Variants in NRG1 observed in about 807,000 individuals in gnomAD.
NRG1 encodes pro-neuregulin-1, membrane-bound isoform.
Under a neutral mutation model 63.8 loss-of-function variants are expected in NRG1, and 18 were observed. The observed-to-expected ratio is 0.28, with a 90% confidence interval of 0.19 to 0.42. The LOEUF is 0.42. Ranked by LOEUF, NRG1 falls within the 10% of genes least tolerant of loss-of-function variation. The probability of loss-of-function intolerance (pLI) is 1.00; values close to 1 mark genes in which losing one functional copy is unlikely to be tolerated. For synonymous variants in NRG1, 302 were observed against 301.3 expected (o/e 1.00, Z -0.02); for missense variants, 762 against 814.7 (o/e 0.94, Z 0.79).
chr8:32,199,137 T>C (rs888379889), intron 1 of NRG1, among the ~76,000 whole-genome samples: 1 of 152,188 alleles, frequency 6.6e-6, no homozygotes, highest in Non-Finnish European at 1.5e-5. Flanking sequence ...GATAATTTCC[T>C]GTTTATTCTA....
chr8:32,296,393 C>A (rs1377096932), intron 1 of NRG1, among the ~76,000 whole-genome samples: 1 of 152,006 alleles, frequency 6.6e-6, no homozygotes, highest in Non-Finnish European at 1.5e-5. Context: ...AGTTCAAGAC[C>A]AGCTGAGGTC....
chr8:32,637,678 T>C (rs1164330750), intron 5 of NRG1, among the ~76,000 whole-genome samples: 1 of 152,160 alleles, frequency 6.6e-6, no homozygotes, highest in African/African-American at 2.4e-5. Context: ...GTTTCTTTAT[T>C]CTATACTTTC....
At chr8:32,266,910 G>C (rs200725283) in intron 1 of NRG1, among the ~76,000 whole-genome samples, 3 of 151,318 alleles carry the variant, frequency 2.0e-5, no homozygotes, top group African/African-American at 7.3e-5. Flanking sequence ...TTAGCCAGAC[G>C]TGGTGGCACA....
At chr8:32,196,118 A>AGTGTGTGTGT (rs55951634) in intron 1 of NRG1, among the ~76,000 whole-genome samples, 6,881 of 146,848 alleles carry the variant, frequency 0.047, 188 homozygotes, top group Non-Finnish European at 0.059. Context: ...AAAAACAATG[A>AGTGTGTGTGT]GTGTGTGTGT....
At chr8:32,090,326 C>A (rs1828924387) in intron 1 of NRG1, among the ~76,000 whole-genome samples, 1 of 152,092 alleles carries the variant, frequency 6.6e-6, no homozygotes, top group Admixed American at 6.5e-5. Context: ...GAATCATTGT[C>A]ATGGACTAAA....
intron 1 of NRG1, among the ~76,000 whole-genome samples, chr8:31,684,922 G>A (rs888913047): frequency 1.3e-5 from 2 of 151,962 alleles, no homozygotes; most frequent in African/African-American, 2.4e-5. Context: ...AATAGAAATA[G>A]CCAAAATAGT....
At chr8:32,725,801 G>T (rs1353673879) in intron 5 of NRG1, among the ~76,000 whole-genome samples, 1 of 151,948 alleles carries the variant, frequency 6.6e-6, no homozygotes, top group Admixed American at 6.6e-5. Flanking sequence ...AAAGGCAATT[G>T]CCGTGGATGA....
chr8:32,102,892 A>G (rs1196693764), intron 1 of NRG1, among the ~76,000 whole-genome samples: 1 of 151,898 alleles, frequency 6.6e-6, no homozygotes, highest in Non-Finnish European at 1.5e-5. Context: ...TTTTTTTTTA[A>G]TTTTTAATTT....
intron 1 of NRG1, among the ~76,000 whole-genome samples, chr8:31,807,329 T>C (rs1377311397): frequency 6.6e-6 from 1 of 152,182 alleles, no homozygotes; most frequent in African/African-American, 2.4e-5. Context: ...ACAGTAGTGA[T>C]GGTTTTTGTT....
In NRG1 at chr8:32,580,156, C is replaced by T. The variant is rs1840386342; in HGVS notation, c.101-15672C>T. ...ATCTGCAGGGGATCCTGGAGCCAATCCCCCACAGTTAGTGAGGAATGACCA... is the reference window on the plus strand; with the variant it reads ...ATCTGCAGGGGATCCTGGAGCCAATTCCCCACAGTTAGTGAGGAATGACCA... On this transcript the variant is annotated intron_variant, in intron 1 of 11. Transcript: ENST00000356819. 1.3e-5 allele frequency among the ~76,000 whole-genome samples: 2 copies of T among 152,142 alleles called. 1 individual carries two copies. Among genetic ancestry groups the T allele is most frequent in the Admixed American group, 1.3e-4 (2 of 15,270 alleles).
intron 1 of NRG1, among the ~76,000 whole-genome samples, chr8:31,940,287 G>T (rs550581252): frequency 1.3e-5 from 2 of 152,154 alleles, no homozygotes; most frequent in African/African-American, 4.8e-5. Context: ...TAAATAACTT[G>T]CTCCTGAATG....
intron 1 of NRG1, among the ~76,000 whole-genome samples, chr8:32,025,456 C>A (rs1167556007): frequency 1.3e-5 from 2 of 152,096 alleles, no homozygotes; most frequent in Non-Finnish European, 2.9e-5. Context: ...ACAGTAAGAT[C>A]ATAGTATAAT....
chr8:31,815,592 C>T (rs553966392), intron 1 of NRG1, among the ~76,000 whole-genome samples: 1 of 152,244 alleles, frequency 6.6e-6, no homozygotes, highest in East Asian at 1.9e-4. Flanking sequence ...GCTTTCGGTT[C>T]TTATGGGTAT....
intron 1 of NRG1, among the ~76,000 whole-genome samples, chr8:32,112,119 C>T (rs1483899117): frequency 1.3e-5 from 2 of 152,158 alleles, no homozygotes; most frequent in Non-Finnish European, 2.9e-5. Flanking sequence ...AAGCAATGCT[C>T]ACAAGACAGA....
intron 1 of NRG1, among the ~76,000 whole-genome samples, chr8:31,868,147 T>TACACACACACACACAC (rs1047085862): frequency 4.6e-4 from 15 of 32,660 alleles, no homozygotes; most frequent in African/African-American, 1.2e-3. Flanking sequence ...ACATACATCT[T>TACACACACACACACAC]ACACACACAC....
intron 1 of NRG1, among the ~76,000 whole-genome samples, chr8:32,415,116 A>G (rs987721862): frequency 6.6e-6 from 1 of 152,082 alleles, no homozygotes; most frequent in African/African-American, 2.4e-5. Context: ...TGTTCTATAG[A>G]AGGCAGGTTT....
chr8:32,017,302 C>T (rs369538560), intron 1 of NRG1, among the ~76,000 whole-genome samples: 16 of 152,248 alleles, frequency 1.1e-4, no homozygotes, highest in African/African-American at 2.6e-4. Context: ...ATTGTAGACT[C>T]GGAGTGGAAA....
chr8:32,674,052 G>A (rs1389812910), intron 5 of NRG1, among the ~76,000 whole-genome samples: 1 of 152,126 alleles, frequency 6.6e-6, no homozygotes, highest in African/African-American at 2.4e-5. Flanking sequence ...CAGGACAAAA[G>A]TTATTTCCAT....
At chr8:32,025,614 T>A (rs899260148) in intron 1 of NRG1, among the ~76,000 whole-genome samples, 4 of 152,126 alleles carry the variant, frequency 2.6e-5, no homozygotes, top group South Asian at 4.1e-4. Flanking sequence ...GTCGATTTTT[T>A]TTTTTTTTTT....
Sources: allele counts gnomAD v4.1 joint callset (sites outside exome capture counted in the v4.1 genomes callset), GRCh38; gene constraint gnomAD v4.1.1; transcripts MANE v1.5; gene names NCBI Gene and HGNC (gene_info 2026-07-23, HGNC 2026-07-21).